The following RBMS3 variants were observed in gnomAD, a reference collection of about 807,000 sequenced individuals.
The protein encoded by RBMS3 is RNA-binding motif, single-stranded-interacting protein 3.
A neutral mutation model predicts 66.8 loss-of-function variants in RBMS3; 27 were observed. That is an observed-to-expected ratio of 0.40 (90% confidence interval 0.30 to 0.56). The LOEUF is 0.56. Ranked by LOEUF, RBMS3 falls within the 20% of genes least tolerant of loss-of-function variation. The probability of loss-of-function intolerance (pLI) is 0.40; values close to 1 mark genes in which losing one functional copy is unlikely to be tolerated. For synonymous variants in RBMS3, 188 were observed against 183.0 expected, an observed-to-expected ratio of 1.03 and a Z score of -0.22; for missense variants, 513 against 549.5, an observed-to-expected ratio of 0.93 and a Z score of 0.66.
intron 4 of RBMS3, among the ~76,000 whole-genome samples, chr3:29,653,022 A>T (rs2050198440): frequency 6.6e-6 from 1 of 152,198 alleles, no homozygotes; most frequent in Non-Finnish European, 1.5e-5. Context: ...AAATAAGCTG[A>T]TTAAGAAGAA....
rs114494065 is a variant in RBMS3, at chr3:29,370,136, G to T, written c.76-64607G>T. Among the ~76,000 whole-genome samples the T allele has an allele frequency of 8.5e-4, 129 of 152,312 alleles. 1 individual carries two copies. Among genetic ancestry groups the T allele is most frequent in the African/African-American group, 2.9e-3 (121 of 41,578 alleles). On this transcript the variant is annotated intron_variant, in intron 1 of 14. Coordinates refer to ENST00000383767, the MANE Select transcript of RBMS3 (RefSeq NM_001003793.3). ...TAATTGACTTGTCTATAGATGTAAA[G>T]AATTTGAACAACCAAGTTGTCTCGT... is the stretch of plus-strand genomic sequence containing the variant.
chr3:29,546,108 T>TTG (rs71091070), intron 3 of RBMS3, among the ~76,000 whole-genome samples: 9,753 of 145,850 alleles, frequency 0.067, 327 homozygotes, highest in African/African-American at 0.072. Flanking sequence ...TGAGACGGGT[T>TTG]TGTGTGTGTG....
At chr3:29,764,563 T>G (rs1488929889) in intron 6 of RBMS3, among the ~76,000 whole-genome samples, 1 of 152,006 alleles carries the variant, frequency 6.6e-6, no homozygotes, top group Non-Finnish European at 1.5e-5. Flanking sequence ...AAAATAAAAA[T>G]GAGCACACTG....
At chr3:29,630,502 T>A (rs1316652963) in intron 4 of RBMS3, among the ~76,000 whole-genome samples, 1 of 151,932 alleles carries the variant, frequency 6.6e-6, no homozygotes, top group Non-Finnish European at 1.5e-5. Context: ...TCAATTCTTG[T>A]TGATTGCCAC....
chr3:29,931,503 A>G (rs552170808), intron 10 of RBMS3, among the ~76,000 whole-genome samples: 3 of 152,344 alleles, frequency 2.0e-5, no homozygotes, highest in African/African-American at 4.8e-5. Flanking sequence ...GTTGGACTGC[A>G]CTACTACGTT....
chr3:29,518,527 A>G (rs1261001346), intron 3 of RBMS3, among the ~76,000 whole-genome samples: 2 of 152,328 alleles, frequency 1.3e-5, no homozygotes, highest in South Asian at 4.1e-4. Flanking sequence ...GGTCATTATT[A>G]AAGGTGCATC....
intron 12 of RBMS3, among the ~76,000 whole-genome samples, chr3:29,979,075 T>A (rs537423623): frequency 6.6e-6 from 1 of 152,176 alleles, no homozygotes; most frequent in Non-Finnish European, 1.5e-5. Context: ...GAGGTTACAG[T>A]GAGCTATGAT....
At chr3:29,847,700 G>A (rs1043451881) in intron 6 of RBMS3, among the ~76,000 whole-genome samples, 1 of 151,602 alleles carries the variant, frequency 6.6e-6, no homozygotes, top group African/African-American at 2.4e-5. Context: ...CTGTCGCCCA[G>A]GCTGGAGTGC....
At chr3:29,587,502 A>G (rs2047575335) in intron 4 of RBMS3, among the ~76,000 whole-genome samples, 1 of 151,648 alleles carries the variant, frequency 6.6e-6, no homozygotes, top group Non-Finnish European at 1.5e-5. Context: ...TGGTAACCTC[A>G]TTAGAGACTT....
chr3:29,975,313 G>A (rs1697511437), intron 12 of RBMS3, among the ~76,000 whole-genome samples: 1 of 151,238 alleles, frequency 6.6e-6, no homozygotes, highest in African/African-American at 2.4e-5. Flanking sequence ...TTGGTCATGA[G>A]TTCTGCAAAT....
At chr3:29,803,823 G>T (rs1037050335) in intron 6 of RBMS3, among the ~76,000 whole-genome samples, 1 of 152,050 alleles carries the variant, frequency 6.6e-6, no homozygotes, top group Admixed American at 6.6e-5. Flanking sequence ...TACTGGTATG[G>T]TATATTCTCA....
chr3:29,605,481 T>A (rs902338392), intron 4 of RBMS3, among the ~76,000 whole-genome samples: 1 of 151,904 alleles, frequency 6.6e-6, no homozygotes, highest in Non-Finnish European at 1.5e-5. Flanking sequence ...CCCAGATTAT[T>A]GTGTAGATTA....
chr3:29,384,417 C>CAATAATAAT (rs532698967), intron 1 of RBMS3, among the ~76,000 whole-genome samples: 3,984 of 137,324 alleles, frequency 0.029, 85 homozygotes, highest in East Asian at 0.056. Context: ...ACATATACAC[C>CAATAATAAT]AATAATAATA....
intron 6 of RBMS3, among the ~76,000 whole-genome samples, chr3:29,787,212 G>A (rs915641315): frequency 6.6e-6 from 1 of 151,922 alleles, no homozygotes; most frequent in Non-Finnish European, 1.5e-5. Context: ...GGTAAAAAGG[G>A]AACACTTTTA....
chr3:29,794,455 G>T (rs536448179), intron 6 of RBMS3, among the ~76,000 whole-genome samples: 1 of 151,970 alleles, frequency 6.6e-6, no homozygotes, highest in African/African-American at 2.4e-5. Flanking sequence ...GCATGGTGGC[G>T]GGCGCCTGTA....
intron 6 of RBMS3, among the ~76,000 whole-genome samples, chr3:29,859,970 G>A (rs1283979249): frequency 6.6e-6 from 1 of 152,140 alleles, no homozygotes; most frequent in East Asian, 1.9e-4. Context: ...AAAGAAAGTG[G>A]ACGTTTCCTA....
intron 2 of RBMS3, among the ~76,000 whole-genome samples, chr3:29,478,058 C>G (rs1183355287): frequency 6.6e-6 from 1 of 152,110 alleles, no homozygotes; most frequent in Non-Finnish European, 1.5e-5. Context: ...TGTGAGCCAC[C>G]ACACCCAGCG....
rs139792989 is a variant in RBMS3 at position 29,296,117 on chromosome 3, T to A, written c.75+14361T>A. ...CCTTCCTTTGTGACACTATCACAGA[T>A]CCCAACAAGCGCTTGGGGTCAGCAA... On this transcript the variant is annotated intron_variant, in intron 1 of 14. Transcript: ENST00000383767. Among the ~76,000 whole-genome samples, 400 of 151,870 alleles carry A rather than the reference T, an allele frequency of 2.6e-3. 3 individuals carry two copies. Among genetic ancestry groups the A allele is most frequent in the African/African-American group, 8.9e-3 (370 of 41,490 alleles).
intron 14 of RBMS3, among the ~76,000 whole-genome samples, chr3:29,993,542 A>G (rs1418260791): frequency 6.6e-6 from 1 of 152,184 alleles, no homozygotes; most frequent in Non-Finnish European, 1.5e-5. Flanking sequence ...GTTAAAGCAG[A>G]TTCCACCCCC....
Sources: gnomAD v4.1 joint callset for allele counts (sites outside exome capture counted in the v4.1 genomes callset) on GRCh38, gnomAD v4.1.1 for gene constraint, MANE v1.5 for transcripts, NCBI Gene and HGNC (gene_info 2026-07-23, HGNC 2026-07-21) for gene names.